CAMKMT: variants seen among roughly 807,000 people sequenced by gnomAD.
The protein encoded by CAMKMT is calmodulin-lysine N-methyltransferase, also known as CaM KMT.
Under a neutral mutation model 48.0 loss-of-function variants are expected in CAMKMT, and 53 were observed. That is an observed-to-expected ratio of 1.10 (90% CI 0.89 to 1.39). The LOEUF (loss-of-function observed/expected upper bound fraction) is 1.39. Among genes scored for constraint, CAMKMT ranks in the 40% most tolerant of loss-of-function variants. The probability of loss-of-function intolerance (pLI) is 0.00; values close to 1 mark genes in which losing one functional copy is unlikely to be tolerated. For missense variants in CAMKMT, 428 were observed against 402.7 expected, an observed-to-expected ratio of 1.06 and a Z score of -0.54; for synonymous variants, 165 against 152.3, an observed-to-expected ratio of 1.08 and a Z score of -0.61.
At chr2:44,399,175 C>T (rs1205208507) in intron 3 of CAMKMT, among the ~76,000 whole-genome samples, 1 of 152,118 alleles carries the variant, frequency 6.6e-6, no homozygotes, top group Non-Finnish European at 1.5e-5. Flanking sequence ...AAGCCTTTGC[C>T]CTTCCAGGGT....
intron 3 of CAMKMT, among the ~76,000 whole-genome samples, chr2:44,512,069 T>A (rs919056211): frequency 1.4e-4 from 22 of 152,196 alleles, no homozygotes; most frequent in Non-Finnish European, 2.9e-4. Context: ...TTCTTCCGAT[T>A]GCGTCTTCCT....
At chr2:44,562,908 A>C (rs185714542) in intron 3 of CAMKMT, among the ~76,000 whole-genome samples, 99 of 152,308 alleles carry the variant, frequency 6.5e-4, no homozygotes, top group African/African-American at 2.3e-3. Context: ...CCCCTGCTCA[A>C]GAGGACCTTA....
Position 44,517,745 on chromosome 2 carries a change from C to G in CAMKMT, c.376+127440C>G, listed in dbSNP as rs371072067. 1.3e-4 allele frequency among the ~76,000 whole-genome samples: 20 copies of G among 152,296 alleles called. 1 individual carries two copies. Among genetic ancestry groups the G allele is most frequent in the African/African-American group, 4.8e-4 (20 of 41,550 alleles). The stretch of plus-strand genomic sequence containing the variant: ...TATTTCATCTCTCAAGGCCCTGATG[C>G]TACTGTGTGAGAGCAATTTAGTTAG... On this transcript the variant is annotated intron_variant, in intron 3 of 10. Transcript: ENST00000378494.
At chr2:44,404,659 T>C (rs1682655362) in intron 3 of CAMKMT, among the ~76,000 whole-genome samples, 1 of 152,142 alleles carries the variant, frequency 6.6e-6, no homozygotes, top group South Asian at 2.1e-4. Flanking sequence ...TTTAAAAATC[T>C]ACTTAATGTT....
intron 3 of CAMKMT, among the ~76,000 whole-genome samples, chr2:44,635,991 CA>C (rs1239943251): frequency 6.6e-6 from 1 of 152,152 alleles, no homozygotes; most frequent in African/African-American, 2.4e-5. Context: ...AGTTTTCATA[CA>C]TAGGCCATGC....
chr2:44,582,153 T>C (rs1328235850), intron 3 of CAMKMT, among the ~76,000 whole-genome samples: 2 of 152,226 alleles, frequency 1.3e-5, no homozygotes, highest in East Asian at 1.9e-4. Context: ...CACATCCTAA[T>C]ACCTAAACCG....
intron 3 of CAMKMT, among the ~76,000 whole-genome samples, chr2:44,400,160 T>C (rs1047981623): frequency 1.3e-5 from 2 of 152,214 alleles, no homozygotes; most frequent in Admixed American, 1.3e-4. Context: ...ATATGTTCTA[T>C]ATAATGGAGA....
Position 44,484,536 on chromosome 2 carries a change from A to G in CAMKMT, c.376+94231A>G, listed in dbSNP as rs187251134. Among the ~76,000 whole-genome samples the G allele has an allele frequency of 3.0e-4, 45 of 152,234 alleles. No homozygotes were observed. In the East Asian group the frequency reaches 7.7e-3, roughly 26 times the overall value. On this transcript the variant is annotated intron_variant, in intron 3 of 10. Coordinates refer to ENST00000378494, the MANE Select transcript of CAMKMT (RefSeq NM_024766.5). ...CTGGATAACCTCATGAAAAAAAATCATGGTCCTCTACCTCATACCATATAC... is the reference window on the plus strand; with the variant it reads ...CTGGATAACCTCATGAAAAAAAATCGTGGTCCTCTACCTCATACCATATAC...
chr2:44,434,423 T>A (rs1684829197), intron 3 of CAMKMT, among the ~76,000 whole-genome samples: 1 of 152,220 alleles, frequency 6.6e-6, no homozygotes, highest in Admixed American at 6.5e-5. Context: ...CAAATTTTTG[T>A]CTTTCAATAT....
chr2:44,619,669 G>C (rs1226865777), intron 3 of CAMKMT, among the ~76,000 whole-genome samples: 1 of 152,108 alleles, frequency 6.6e-6, no homozygotes, highest in Non-Finnish European at 1.5e-5. Flanking sequence ...TGCTAAGCTA[G>C]ACTTGAAATT....
chr2:44,575,608 G>A (rs979089612), intron 3 of CAMKMT, among the ~76,000 whole-genome samples: 19 of 151,988 alleles, frequency 1.3e-4, no homozygotes, highest in Admixed American at 1.2e-3. Flanking sequence ...ATTGGCTCAC[G>A]CCTGTAATCT....
chr2:44,375,328 G>A (rs544585824), intron 2 of CAMKMT, among the ~76,000 whole-genome samples: 2 of 151,516 alleles, frequency 1.3e-5, no homozygotes, highest in Non-Finnish European at 2.9e-5. Flanking sequence ...GGGATGAATA[G>A]TGTTAAATTC....
At chr2:44,365,972 A>G (rs1011630223) in intron 1 of CAMKMT, among the ~76,000 whole-genome samples, 2 of 152,244 alleles carry the variant, frequency 1.3e-5, no homozygotes, top group Non-Finnish European at 2.9e-5. Context: ...TGTAATAACG[A>G]TACATATTCC....
At chr2:44,555,965 T>C (rs1362206753) in intron 3 of CAMKMT, among the ~76,000 whole-genome samples, 2 of 151,890 alleles carry the variant, frequency 1.3e-5, no homozygotes, top group African/African-American at 4.8e-5. Context: ...TGCAGTGGGC[T>C]AAGGGGTGAG....
intron 3 of CAMKMT, among the ~76,000 whole-genome samples, chr2:44,552,463 T>C (rs1667770410): frequency 6.6e-6 from 1 of 152,172 alleles, no homozygotes; most frequent in South Asian, 2.1e-4. Flanking sequence ...TGGTGATCTT[T>C]ACAGTCAATA....
At chr2:44,427,617 C>G (rs745448840) in intron 3 of CAMKMT, among the ~76,000 whole-genome samples, 3 of 152,104 alleles carry the variant, frequency 2.0e-5, no homozygotes, top group Non-Finnish European at 4.4e-5. Context: ...TAGCACCATA[C>G]AATATACTCA....
At chr2:44,441,700 C>T (rs1666674560) in intron 3 of CAMKMT, among the ~76,000 whole-genome samples, 1 of 152,010 alleles carries the variant, frequency 6.6e-6, no homozygotes, top group African/African-American at 2.4e-5. Context: ...GGTCTTCTGC[C>T]ATATCACTCT....
At chr2:44,496,036 A>C (rs1380995093) in intron 3 of CAMKMT, among the ~76,000 whole-genome samples, 1 of 152,170 alleles carries the variant, frequency 6.6e-6, no homozygotes, top group Non-Finnish European at 1.5e-5. Flanking sequence ...CTGCATTCAG[A>C]GTAAGGCCAT....
At chr2:44,638,364 T>C (rs1013506263) in intron 3 of CAMKMT, among the ~76,000 whole-genome samples, 4 of 152,154 alleles carry the variant, frequency 2.6e-5, no homozygotes, top group African/African-American at 9.7e-5. Context: ...TCGTAAAATC[T>C]AAAAGCAACC....
Sources: gnomAD v4.1 joint callset for allele counts (sites outside exome capture counted in the v4.1 genomes callset) on GRCh38, gnomAD v4.1.1 for gene constraint, MANE v1.5 for transcripts, NCBI Gene and HGNC (gene_info 2026-07-23, HGNC 2026-07-21) for gene names.